The following MECOM variants were observed in gnomAD, a reference collection of about 807,000 sequenced individuals.
MECOM encodes the protein MDS1 and EVI1 complex locus, also known as histone-lysine N-methyltransferase MECOM.
In MECOM, 13 loss-of-function variants were observed where a neutral mutation model predicts 116.3. The observed-to-expected ratio is 0.11, with a 90% confidence interval of 0.07 to 0.18. MECOM has a LOEUF of 0.18. MECOM is among the 10% of genes least tolerant of loss of function. The pLI is 1.00. For synonymous variants in MECOM, 528 were observed against 535.2 expected, an observed-to-expected ratio of 0.99 and a Z score of 0.19; for missense variants, 1,299 against 1,509.0, an observed-to-expected ratio of 0.86 and a Z score of 2.31.
chr3:169,349,459 G>A (rs1307866270), intron 2 of MECOM, among the ~76,000 whole-genome samples: 1 of 151,834 alleles, frequency 6.6e-6, no homozygotes, highest in African/African-American at 2.4e-5. Flanking sequence ...TGTAACTGAA[G>A]GAGGTTCTGT....
At chr3:169,514,941 A>C (rs1756438332) in intron 1 of MECOM, among the ~76,000 whole-genome samples, 1 of 152,270 alleles carries the variant, frequency 6.6e-6, no homozygotes, top group African/African-American at 2.4e-5. Flanking sequence ...CTTACTGGTC[A>C]ACAATCAAAA....
At chr3:169,358,771 A>C (rs1393586266) in intron 2 of MECOM, among the ~76,000 whole-genome samples, 1 of 151,740 alleles carries the variant, frequency 6.6e-6, no homozygotes, top group Admixed American at 6.6e-5. Context: ...AGAACTGCAT[A>C]AACTTATAAG....
intron 2 of MECOM, among the ~76,000 whole-genome samples, chr3:169,230,819 G>T (rs1442367289): frequency 1.3e-5 from 2 of 152,128 alleles, no homozygotes; most frequent in Admixed American, 1.3e-4. Context: ...GAGAAGAATA[G>T]TTGCCGCAAC....
rs768771100 is a variant in MECOM at position 169,482,328 on chromosome 3, C to CTTTTTT, written c.38-100810_38-100805dup. Among the ~76,000 whole-genome samples the CTTTTTT allele has an allele frequency of 4.0e-4, 43 of 108,376 alleles. 2 individuals carry two copies. Among genetic ancestry groups the CTTTTTT allele is most frequent in the Non-Finnish European group, 6.1e-4 (34 of 56,108 alleles). The allele number at this position is 108,376 out of a possible 152,430, so 71.1% of individuals were successfully genotyped here. A position where few individuals can be genotyped will look rare whatever the true frequency, so the allele number is the denominator to read the frequency against. On this transcript the variant is annotated intron_variant, in intron 1 of 16. Transcript: ENST00000651503. ...GTTACAGGGGAGCTTAACCCACGTT[C>CTTTTTT]TTTTTTTTTTTTTTTTTTTTTGAGA... is the stretch of plus-strand genomic sequence containing the variant.
intron 1 of MECOM, among the ~76,000 whole-genome samples, chr3:169,391,468 G>T (rs906638118): frequency 4.6e-5 from 7 of 151,906 alleles, no homozygotes; most frequent in African/African-American, 1.5e-4. Context: ...AGCTCTAAAG[G>T]CCCCCATATT....
At chr3:169,515,592 A>G (rs772531726) in intron 1 of MECOM, among the ~76,000 whole-genome samples, 1 of 152,172 alleles carries the variant, frequency 6.6e-6, no homozygotes, top group Non-Finnish European at 1.5e-5. Context: ...GAAGAGAATG[A>G]GTTACACAGG....
At chr3:169,154,163 A>T (rs1741596421) in intron 2 of MECOM, among the ~76,000 whole-genome samples, 1 of 152,112 alleles carries the variant, frequency 6.6e-6, no homozygotes, top group Non-Finnish European at 1.5e-5. Context: ...AGTCAGTAAG[A>T]GAGAGTATTC....
At chr3:169,172,792 C>T (rs1744630534) in intron 2 of MECOM, among the ~76,000 whole-genome samples, 1 of 152,134 alleles carries the variant, frequency 6.6e-6, no homozygotes, top group Non-Finnish European at 1.5e-5. Context: ...AGCTCTACAG[C>T]TAACCGGCAG....
At chr3:169,513,063 CCTGCCAAATGTGACTTATT>C (rs1037600351) in intron 1 of MECOM, among the ~76,000 whole-genome samples, 1 of 152,214 alleles carries the variant, frequency 6.6e-6, no homozygotes, top group Non-Finnish European at 1.5e-5. Context: ...GGGTCCAACT[CCTGCCAAATGTGACTTATT>C]TTGTTTCCCC....
At chr3:169,477,439 G>A (rs745404980) in intron 1 of MECOM, among the ~76,000 whole-genome samples, 30 of 152,024 alleles carry the variant, frequency 2.0e-4, no homozygotes, top group Non-Finnish European at 3.7e-4. Context: ...AGGTATAAAA[G>A]AGAATTTTTT....
At chr3:169,248,245 G>T (rs531461224) in intron 2 of MECOM, among the ~76,000 whole-genome samples, 8 of 152,274 alleles carry the variant, frequency 5.3e-5, no homozygotes, top group Non-Finnish European at 1.2e-4. Context: ...ATAATGTGTA[G>T]CTAGAATTGA....
chr3:169,182,422 G>A (rs1397243865), intron 2 of MECOM, among the ~76,000 whole-genome samples: 2 of 152,158 alleles, frequency 1.3e-5, no homozygotes, highest in South Asian at 2.1e-4. Context: ...TTTGATGCAC[G>A]AGCTCCGCTG....
chr3:169,250,505 T>C (rs1004433553), intron 2 of MECOM, among the ~76,000 whole-genome samples: 1 of 152,230 alleles, frequency 6.6e-6, no homozygotes, highest in Admixed American at 6.5e-5. Flanking sequence ...CGAGCAATCA[T>C]GTCTCACTCG....
chr3:169,284,936 A>T (rs997787422), intron 2 of MECOM, among the ~76,000 whole-genome samples: 3 of 152,130 alleles, frequency 2.0e-5, no homozygotes, highest in African/African-American at 7.2e-5. Context: ...CCCACCTTTC[A>T]GGAAGTGGGA....
chr3:169,146,592 G>A, intron 2 of MECOM: 8 of 1,372,798 alleles, frequency 5.8e-6, no homozygotes, highest in Non-Finnish European at 7.7e-6. Context: ...GCGAGACTGC[G>A]GGCGAGGAGG....
chr3:169,482,330 T>TTTTTTTTTTTTC (rs1751427786), intron 1 of MECOM, among the ~76,000 whole-genome samples: 30 of 128,762 alleles, frequency 2.3e-4, no homozygotes, highest in African/African-American at 9.1e-4. Flanking sequence ...CCCACGTTCT[T>TTTTTTTTTTTTC]TTTTTTTTTT....
intron 2 of MECOM, chr3:169,149,559 C>G (rs891372843): frequency 3.2e-5 from 10 of 312,926 alleles, no homozygotes; most frequent in African/African-American, 1.5e-4. Context: ...CGCCTCTGCC[C>G]GCCAGGCGCC....
chr3:169,116,695 G>A lies in MECOM; in HGVS notation c.1177C>T (p.Arg393Cys), dbSNP rs201758074. The change falls in exon 8 of 17, where the codon CGT becomes TGT. Residue 393 changes from arginine to cysteine, a missense_variant. Physicochemically the swap from Arg to Cys is radical, Grantham distance 180. Around this residue, in one of 6 missense-constraint regions of MECOM, gnomAD observed 42 missense variants for 103.9 expected, o/e 0.40. Coordinates refer to ENST00000651503, the MANE Select transcript of MECOM (RefSeq NM_004991.4). ...KSYTQFSNLC[R>C]HKRMHADCRT... ...CAATCAGCATGCATGCGCTTATGAC[G>A]GCAAAGGTTTGAAAACTGAGTATAG... The A allele has an allele frequency of 1.2e-6, 2 of 1,613,502 alleles. No individual in the cohort carries two copies. The highest frequency in any genetic ancestry group is 1.7e-4 in the Middle Eastern group (1 of 6,054).
At chr3:169,153,770 T>A (rs1741527604) in intron 2 of MECOM, among the ~76,000 whole-genome samples, 1 of 152,136 alleles carries the variant, frequency 6.6e-6, no homozygotes, top group Non-Finnish European at 1.5e-5. Flanking sequence ...CCATGACAGT[T>A]TCATAATATC....
Sources: allele counts gnomAD v4.1 joint callset (sites outside exome capture counted in the v4.1 genomes callset), GRCh38; gene constraint gnomAD v4.1.1; regional missense constraint gnomAD v4.1.1; transcripts MANE v1.5; gene names NCBI Gene and HGNC (gene_info 2026-07-23, HGNC 2026-07-21).